The following ACP4 variants were observed in gnomAD, a reference collection of about 807,000 sequenced individuals.
ACP4 encodes acid phosphatase 4.
In ACP4, 49 loss-of-function variants were observed where a neutral mutation model predicts 47.3. The observed-to-expected ratio is 1.04, with a 90% CI of 0.82 to 1.32. The LOEUF (loss-of-function observed/expected upper bound fraction) is 1.32, where lower values mean the gene tolerates loss of function less well. Ranked by LOEUF, ACP4 falls within the 40% of genes most tolerant of loss-of-function variation. The pLI, the probability that ACP4 is intolerant of heterozygous loss-of-function variation, is 0.00. For synonymous variants in ACP4, 299 were observed against 265.3 expected, an observed-to-expected ratio of 1.13 and a Z score of -1.23; for missense variants, 594 against 579.3, an observed-to-expected ratio of 1.03 and a Z score of -0.26.
chr19:50,794,681 G>T, intron 9 of ACP4, 100 bp downstream of exon 9: 1 of 1,596,652 alleles, frequency 6.3e-7, no homozygotes, highest in Non-Finnish European at 8.5e-7. Flanking sequence ...GGAGCTGCAT[G>T]GGATGATGCT....
intron 6 of ACP4, chr19:50,793,436 A>C: frequency 1.6e-5 from 8 of 500,840 alleles, no homozygotes; most frequent in East Asian, 3.4e-5. Flanking sequence ...AATCACCTGA[A>C]CCCGAGAGGC....
Position 50,792,146 on chromosome 19 carries a change from A to G in ACP4, c.524A>G (p.Tyr175Cys), listed in dbSNP as rs375560449. ...LLREATEAAE[Y>C]QEALEGWTGF... ...CGGGAGGCCACCGAGGCCGCCGAGTACCAGGAGGCCCTGGAGGGCTGGACG... is the reference window on the plus strand; with the variant it reads ...CGGGAGGCCACCGAGGCCGCCGAGTGCCAGGAGGCCCTGGAGGGCTGGACG... The change falls in exon 5 of 11, where the codon TAC becomes TGC. Residue 175 changes from tyrosine (Y) to cysteine (C), a missense_variant. Transcript: ENST00000270593. 2.5e-5 allele frequency: 41 copies of G among 1,609,702 alleles called. No homozygotes were observed. The highest frequency in any genetic ancestry group is 3.4e-5 in the Non-Finnish European group (40 of 1,179,388).
chr19:50,795,117 T>C lies in ACP4; in HGVS notation c.1240T>C (p.Trp414Arg). 6.4e-7 allele frequency: 1 copy of C among 1,569,450 alleles called. No individual in the cohort carries two copies. Among genetic ancestry groups the C allele is most frequent in the Non-Finnish European group, 8.6e-7 (1 of 1,159,400 alleles). Residue 414 changes from tryptophan (W) to arginine (R), a missense_variant, in exon 11 of 11, where the codon TGG becomes CGG. Transcript: ENST00000270593. ...CAGCTTGGGGCTGGGCCTGCTGGCC[T>C]GGAGACCAGGGTGCCTGCGGGCCTT... ...ALSLGLGLLA[W>R]RPGCLRALGG...
In ACP4 at chr19:50,795,050, G is replaced by A. The variant is rs531773365; in HGVS notation, c.1173G>A (p.Val391=). 6.2e-6 allele frequency: 10 copies of A among 1,609,792 alleles called. No homozygotes were observed. Among genetic ancestry groups the A allele is most frequent in the African/African-American group, 2.7e-5 (2 of 74,906 alleles). ...PYEAAIPPAP[V]VPLLAGAVAV... Reference sequence around the variant, plus strand: ...CGCGTGTTCTCCCTGCAGCTCCAGTGGTGCCCCTGCTGGCCGGAGCTGTAG... The same window carrying A: ...CGCGTGTTCTCCCTGCAGCTCCAGTAGTGCCCCTGCTGGCCGGAGCTGTAG... The change falls in exon 11 of 11, where the codon GTG becomes GTA. Residue 391 remains valine, a synonymous_variant. Transcript: ENST00000270593.
chr19:50,794,423 G>A (rs780711378), intron 8 of ACP4, 34 bp from the exon 9 acceptor site: 1 of 1,611,422 alleles, frequency 6.2e-7, no homozygotes, highest in South Asian at 1.1e-5. Context: ...CCTCCAGAGA[G>A]AAGTGCCGTC....
In ACP4 at chr19:50,795,049, T is replaced by C. The variant is rs775629559; in HGVS notation, c.1172T>C (p.Val391Ala). 46 of 1,609,864 alleles carry C rather than the reference T, an allele frequency of 2.9e-5. No individual in the cohort carries two copies. In the Admixed American group the frequency reaches 5.1e-4, roughly 18 times the overall value. Residue 391 changes from valine to alanine, a missense_variant, in exon 11 of 11, where the codon GTG (valine) becomes GCG (alanine). Transcript: ENST00000270593. Reference protein sequence around the residue: ...PYEAAIPPAPVVPLLAGAVAV... With the variant: ...PYEAAIPPAPAVPLLAGAVAV... ...CCGCGTGTTCTCCCTGCAGCTCCAG[T>C]GGTGCCCCTGCTGGCCGGAGCTGTA...
In ACP4 at chr19:50,794,595, G is replaced by T. The variant is rs760465340; in HGVS notation, c.986+14G>T. 6.2e-7 allele frequency: 1 copy of T among 1,614,052 alleles called. No homozygotes were observed. Among genetic ancestry groups the T allele is most frequent in the African/African-American group, 1.3e-5 (1 of 75,058 alleles). Reference sequence around the variant, plus strand: ...CAAAGATGGAGGGTGAGAATGGTTTGGTGCCCAGGGACATGGGTGGGACAG... The same window carrying T: ...CAAAGATGGAGGGTGAGAATGGTTTTGTGCCCAGGGACATGGGTGGGACAG... On this transcript the variant is annotated intron_variant, in intron 9 of 10. Coordinates refer to ENST00000270593, the MANE Select transcript of ACP4 (RefSeq NM_033068.3).
At chr19:50,793,319 G>A (rs1388644035) in intron 6 of ACP4, 1 of 226,412 alleles carries the variant, frequency 4.4e-6, no homozygotes, top group African/African-American at 2.3e-5. Flanking sequence ...AGACCAGTCT[G>A]ACCAACACGG....
chr19:50,790,790 A>T lies in ACP4; in HGVS notation c.233A>T (p.Gln78Leu). 13 of 1,548,340 alleles carry T rather than the reference A, an allele frequency of 8.4e-6. No homozygotes were observed. The highest frequency in any genetic ancestry group is 1.1e-5 in the Non-Finnish European group (13 of 1,146,698). ...GQLTTEGVRQ[Q>L]LELGRFLRSR... ...TGTCCCCAGGAGGGGGTCCGCCAGC[A>T]GCTGGAGCTGGGCCGCTTCCTGAGG... The change falls in exon 3 of 11, where the codon CAG becomes CTG. Residue 78 changes from glutamine (Q) to leucine (L), a missense_variant. Gln to Leu is a moderately radical substitution (Grantham distance 113). Coordinates refer to ENST00000270593, the MANE Select transcript of ACP4 (RefSeq NM_033068.3).
intron 3 of ACP4, among the ~76,000 whole-genome samples, chr19:50,791,176 T>A (rs1371529232): frequency 2.6e-5 from 4 of 152,182 alleles, no homozygotes; most frequent in Admixed American, 6.6e-5. Context: ...TTGATTTCGA[T>A]CTTTGACCCT....
intron 6 of ACP4, chr19:50,793,439 C>T (rs1463752349): frequency 9.7e-6 from 5 of 514,730 alleles, no homozygotes; most frequent in African/African-American, 5.7e-5. Context: ...CACCTGAACC[C>T]GAGAGGCAAG....
Position 50,791,818 on chromosome 19 carries a change from C to A in ACP4, c.450+16C>A. 6.3e-7 allele frequency: 1 copy of A among 1,576,116 alleles called. No homozygotes were observed. Among genetic ancestry groups the A allele is most frequent in the Non-Finnish European group, 8.6e-7 (1 of 1,157,934 alleles). ...TGAGGATAAGGTCAGGGGGCTGGAC[C>A]CACGTGTGGCGAGGGAGGGAGCGGG... is the stretch of plus-strand genomic sequence containing the variant. On this transcript the variant is annotated intron_variant, in intron 4 of 10. Coordinates refer to ENST00000270593, the MANE Select transcript of ACP4 (RefSeq NM_033068.3).
chr19:50,794,620 G>A (rs751915071), intron 9 of ACP4, 39 bp downstream of exon 9: 4 of 1,613,646 alleles, frequency 2.5e-6, no homozygotes, highest in African/African-American at 2.7e-5. Context: ...GGGTGGGACA[G>A]AACTCTCAAA....
In ACP4 at chr19:50,794,576, TGGA is replaced by T; in HGVS notation, c.984_986del (p.Gly329del). On this transcript the variant is annotated inframe_deletion and splice_region_variant, in exon 9 of 11. Coordinates refer to ENST00000270593, the MANE Select transcript of ACP4 (RefSeq NM_033068.3). Reference sequence around the variant, plus strand: ...AGCACCTGGGGAATCCCGCCAAAGATGGAGGGTGAGAATGGTTTGGTGCCCAGG... The same window carrying T: ...AGCACCTGGGGAATCCCGCCAAAGATGGGTGAGAATGGTTTGGTGCCCAGG... 6.2e-7 allele frequency: 1 copy of T among 1,613,880 alleles called. No individual in the cohort carries two copies. Among genetic ancestry groups the T allele is most frequent in the Non-Finnish European group, 8.5e-7 (1 of 1,179,968 alleles).
chr19:50,792,188 T>A lies in ACP4; in HGVS notation c.549+17T>A. 6.2e-7 allele frequency: 1 copy of A among 1,609,984 alleles called. No homozygotes were observed. Among genetic ancestry groups the A allele is most frequent in the Non-Finnish European group, 8.5e-7 (1 of 1,179,114 alleles). ...GGCTGGACGGTGAGCAGGGCGGCGG[T>A]GGGGGGCGGGATGCAGGGGATGGGC... is the stretch of plus-strand genomic sequence containing the variant. On this transcript the variant is annotated intron_variant, in intron 5 of 10. Transcript: ENST00000270593.
chr19:50,794,974 C>T lies in ACP4; in HGVS notation c.1165+10C>T, dbSNP rs368226597. Reference sequence around the variant, plus strand: ...GCTGCCATCCCCCCAGGTGACAGTCCTCTGTGTTGGGGTGGGAGTGGAGGG... The same window carrying T: ...GCTGCCATCCCCCCAGGTGACAGTCTTCTGTGTTGGGGTGGGAGTGGAGGG... On this transcript the variant is annotated intron_variant, in intron 10 of 10. Coordinates refer to ENST00000270593, the MANE Select transcript of ACP4 (RefSeq NM_033068.3). 6.8e-5 allele frequency: 109 copies of T among 1,613,328 alleles called. No individual in the cohort carries two copies. Among genetic ancestry groups the T allele is most frequent in the Admixed American group, 8.3e-5 (5 of 59,972 alleles).
intron 3 of ACP4, 89 bp downstream of exon 3, chr19:50,790,949 G>A: frequency 7.6e-7 from 1 of 1,316,194 alleles, no homozygotes; most frequent in Non-Finnish European, 1.0e-6. Context: ...CTCCACCTCT[G>A]GCCTTTGACC....
rs375953672 is a variant in ACP4 at position 50,791,648 on chromosome 19, C to T, written c.304-8C>T. Reference sequence around the variant, plus strand: ...CCCCCCGCGTGCCCTCTCTCCACCCCGCTCCAGGTGTACATCCGCAGCACG... The same window carrying T: ...CCCCCCGCGTGCCCTCTCTCCACCCTGCTCCAGGTGTACATCCGCAGCACG... On this transcript the variant is annotated splice_polypyrimidine_tract_variant and splice_region_variant and intron_variant, in intron 3 of 10. Coordinates refer to ENST00000270593, the MANE Select transcript of ACP4 (RefSeq NM_033068.3). The T allele has an allele frequency of 6.8e-6, 11 of 1,606,992 alleles. No homozygotes were observed. The highest frequency in any genetic ancestry group is 6.7e-5 in the African/African-American group (5 of 74,862).
At chr19:50,792,207 G>C (rs2089515978) in intron 5 of ACP4, 35 bp from the exon 6 acceptor site, 1 of 1,611,826 alleles carries the variant, frequency 6.2e-7, no homozygotes, top group South Asian at 1.1e-5. Context: ...GGATGCAGGG[G>C]ATGGGCCTGG....
Sources: allele counts gnomAD v4.1 joint callset (sites outside exome capture counted in the v4.1 genomes callset), GRCh38; gene constraint gnomAD v4.1.1; transcripts MANE v1.5; gene names NCBI Gene and HGNC (gene_info 2026-07-23, HGNC 2026-07-21).